HELZ2: variants seen among roughly 807,000 people sequenced by gnomAD.
The protein encoded by HELZ2 is 3'-5' exoribonuclease HELZ2.
A neutral mutation model predicts 208.8 loss-of-function variants in HELZ2; 143 were observed. That is an observed-to-expected ratio of 0.68 (90% CI 0.60 to 0.79). The LOEUF (loss-of-function observed/expected upper bound fraction) is 0.79, where lower values mean the gene tolerates loss of function less well. HELZ2 is among the 30% of genes least tolerant of loss of function. HELZ2 has a pLI of 0.00. For synonymous variants in HELZ2, 1,705 were observed against 1,693.7 expected, an observed-to-expected ratio of 1.01 and a Z score of -0.16; for missense variants, 3,690 against 3,794.5, an observed-to-expected ratio of 0.97 and a Z score of 0.72.
At position 63,564,596 on chromosome 20, in the gene HELZ2, G is replaced by C. The variant is rs1285396854; in HGVS notation, c.4226C>G (p.Ala1409Gly). ...GCTGAGGACGTCCTGGCAGAGGCTG[G>C]CCGGCAGCATGGGCACTGGCTCCCT... The change falls in exon 8 of 19, where the codon GCC becomes GGC. Residue 1409 changes from alanine to glycine, a missense_variant. This residue lies in a region of HELZ2 where 2,564 missense variants were observed against 2,580.5 expected (regional missense o/e 0.99). Transcript: ENST00000467148. 3 of 1,566,508 alleles carry C rather than the reference G, an allele frequency of 1.9e-6. No individual in the cohort carries two copies. In the East Asian group the frequency reaches 7.1e-5, roughly 37 times the overall value.
At chr20:63,570,270 T>G (rs2095720261) in intron 3 of HELZ2, 1 of 669,838 alleles carries the variant, frequency 1.5e-6, no homozygotes, top group African/African-American at 1.8e-5. Context: ...AAATCCTTGT[T>G]TTAACCCATA....
chr20:63,569,471 G>A (rs143216041), exon 4 of HELZ2: 238 of 1,611,276 alleles, frequency 1.5e-4, no homozygotes, highest in Admixed American at 3.0e-4. Flanking sequence ...GGCCAAAGTC[G>A]AAGACCACCC....
chr20:63,561,974 C>A, exon 11 of HELZ2: 1 of 1,593,052 alleles, frequency 6.3e-7, no homozygotes, highest in Non-Finnish European at 8.6e-7. Context: ...CCACGATCGT[C>A]TTCCCTGTAC....
At position 63,571,037 on chromosome 20, in the gene HELZ2, C is replaced by T. The variant is rs564707390; in HGVS notation, c.279-169G>A. The T allele has an allele frequency of 5.6e-4, 323 of 577,862 alleles. 2 individuals are homozygous for T. The African/African-American group carries it at 5.6e-3, about 10-fold the overall frequency. 35.8% of individuals were successfully genotyped at this position (577,862 alleles called of 1,614,324 possible). On this transcript the variant is annotated intron_variant, in intron 1 of 18. Coordinates refer to ENST00000467148, the Ensembl canonical transcript of HELZ2. ...AGGCCTGGCTCAAGCAGTTCCCAAA[C>T]ATGAACCTCCCTTATCCGGGTCCTC... is the stretch of plus-strand genomic sequence containing the variant.
chr20:63,567,617 TGTC>T, exon 6 of HELZ2: 1 of 1,600,456 alleles, frequency 6.2e-7, no homozygotes, highest in Non-Finnish European at 8.5e-7. Flanking sequence ...CGGATGTAGA[TGTC>T]GGCGGCACTG....
At chr20:63,565,944 G>T in exon 8 of HELZ2, 1 of 1,598,770 alleles carries the variant, frequency 6.3e-7, no homozygotes, top group Non-Finnish European at 8.5e-7. Context: ...GGAGGCCAGC[G>T]CCGTCTCTGC....
At chr20:63,567,358 T>C in exon 6 of HELZ2, 1 of 1,603,506 alleles carries the variant, frequency 6.2e-7, no homozygotes, top group Non-Finnish European at 8.5e-7. Context: ...GGCCGCCTCA[T>C]CGATGAGAAT....
exon 8 of HELZ2, chr20:63,562,916 A>G: frequency 1.9e-6 from 3 of 1,595,164 alleles, no homozygotes; most frequent in Non-Finnish European, 2.6e-6. Context: ...GGAGACACTC[A>G]GGTGCTGAAG....
At chr20:63,568,048 A>G (rs1355112811) in intron 5 of HELZ2, 1 of 541,010 alleles carries the variant, frequency 1.8e-6, no homozygotes, top group Non-Finnish European at 3.2e-6. Flanking sequence ...TAGGACAAAG[A>G]TCTGTGTTTC....
exon 19 of HELZ2, chr20:63,559,273 G>A: frequency 1.3e-6 from 2 of 1,582,862 alleles, no homozygotes; most frequent in Non-Finnish European, 1.7e-6. Context: ...GCCTCCTGCA[G>A]ACGCGCACCT....
In HELZ2 at chr20:63,569,684, G is replaced by A. The variant is rs780926690; in HGVS notation, c.571-19C>T. ...GGGGCTCCTGGAGAGGAGGCCAGAC[G>A]GTGAGGGGGGCCCAGGGCTCCCCCC... On this transcript the variant is annotated intron_variant, in intron 3 of 18. Transcript: ENST00000467148. The A allele has an allele frequency of 1.8e-5, 27 of 1,498,646 alleles. No individual in the cohort carries two copies. Among genetic ancestry groups the A allele is most frequent in the South Asian group, 1.4e-4 (11 of 79,392 alleles). The allele number at this position is 1,498,646 out of a possible 1,614,324, so 92.8% of individuals were successfully genotyped here. A position where few individuals can be genotyped will look rare whatever the true frequency, so the allele number is the denominator to read the frequency against.
Position 63,560,262 on chromosome 20 carries a change from C to T in HELZ2, c.7566G>A (p.Thr2522=), listed in dbSNP as rs540538811. ...TCTCAGAGGCCTGCGCGTTGTAGGG[C>T]GTGAGGACGGCGATGTCCTGGGGCT... Residue 2522 remains threonine (T), a synonymous_variant, in exon 17 of 19, where the codon ACG becomes ACA. Coordinates refer to ENST00000467148, the Ensembl canonical transcript of HELZ2. 235 of 1,563,054 alleles carry T rather than the reference C, an allele frequency of 1.5e-4. 3 individuals carry two copies. The South Asian group carries it at 2.5e-3, about 17-fold the overall frequency.
In HELZ2 at chr20:63,562,658, C is replaced by T. The variant is rs146773053; in HGVS notation, c.6164G>A (p.Arg2055His). Residue 2055 changes from arginine to histidine, a missense_variant, in exon 8 of 19, where the codon CGC (arginine) becomes CAC (histidine). By Grantham distance (29) the Arg-to-His change is conservative. Transcript: ENST00000467148. ...GGGAGCCTCCTGCCGGTCTGCCCGG[C>T]GCTCCTGGTCCCAGTCCTGCGTCTG... 2.0e-3 allele frequency: 3,151 copies of T among 1,595,900 alleles called. 6 individuals carry two copies. The highest frequency in any genetic ancestry group is 2.4e-3 in the Non-Finnish European group (2,790 of 1,172,096).
In HELZ2 at chr20:63,570,508, G is replaced by C. The variant is rs563895075; in HGVS notation, c.566C>G (p.Ser189Cys). 20 of 1,612,664 alleles carry C rather than the reference G, an allele frequency of 1.2e-5. No homozygotes were observed. In the South Asian group the frequency reaches 1.9e-4, roughly 15 times the overall value. ...TCGGAGCTGTTCTCCGCTCACCTCA[G>C]AGTGGACGGCAAACGTCCAGCTGTA... The change falls in exon 3 of 19, where the codon TCT becomes TGT. Residue 189 changes from serine (S) to cysteine (C), a missense_variant. Ser to Cys is a moderately radical substitution (Grantham distance 112). Transcript: ENST00000467148.
At chr20:63,559,457 G>C in intron 18 of HELZ2, 87 bp from the exon 20 acceptor site, 3 of 1,134,184 alleles carry the variant, frequency 2.6e-6, no homozygotes, top group Non-Finnish European at 3.5e-6. Flanking sequence ...TCAGGTGGGA[G>C]TCAGTCAGGG....
At chr20:63,570,469 C>T in intron 3 of HELZ2, 35 bp downstream of exon 4, 1 of 1,569,632 alleles carries the variant, frequency 6.4e-7, no homozygotes, top group Non-Finnish European at 8.8e-7. Flanking sequence ...TTCCCCAGGG[C>T]TCCCTCCGCC....
chr20:63,563,851 C>T, exon 8 of HELZ2: 1 of 1,596,128 alleles, frequency 6.3e-7, no homozygotes, highest in South Asian at 1.1e-5. Flanking sequence ...AGTGGCCGCC[C>T]TGCTGCTGGT....
rs1034418689 is a variant in HELZ2 at position 63,562,465 on chromosome 20, G to A, written c.6302+55C>T. The stretch of plus-strand genomic sequence containing the variant: ...CCCCACGAGCTCCCCCCTCCTGCAA[G>A]TGAGGGGCCCGGGGCGGTCCCCCAG... On this transcript the variant is annotated intron_variant, in intron 8 of 18. Transcript: ENST00000467148. 18 of 1,521,898 alleles carry A rather than the reference G, an allele frequency of 1.2e-5. No homozygotes were observed. In the East Asian group the frequency reaches 4.1e-4, roughly 35 times the overall value. 94.3% of individuals were successfully genotyped at this position (1,521,898 alleles called of 1,614,324 possible).
chr20:63,558,382 T>TGGGGG (rs1555887986), downstream of HELZ2: 2 of 16,834 alleles, frequency 1.2e-4, no homozygotes, highest in African/African-American at 4.3e-4. Flanking sequence ...TGGGGTGGGG[T>TGGGGG]GGGGTGGGGC....
Sources: gnomAD v4.1 joint callset for allele counts on GRCh38, gnomAD v4.1.1 for gene constraint, gnomAD v4.1.1 regional missense constraint, MANE v1.5 for transcripts, NCBI Gene and HGNC (gene_info 2026-07-23, HGNC 2026-07-21) for gene names.